Variants in MID1 observed in about 807,000 individuals in gnomAD.
MID1 encodes E3 ubiquitin-protein ligase Midline-1.
In MID1, 7 loss-of-function variants were observed where a neutral mutation model predicts 40.4. The ratio of observed to expected loss-of-function variants is 0.17; its 90% CI spans 0.10 to 0.33. The LOEUF (loss-of-function observed/expected upper bound fraction) is 0.33, where lower values mean the gene tolerates loss of function less well. Ranked by LOEUF, MID1 falls within the 10% of genes least tolerant of loss-of-function variation. MID1 has a pLI of 1.00. For missense variants in MID1, 367 were observed against 558.5 expected (o/e 0.66, Z 3.46); for synonymous variants, 229 against 221.2 (o/e 1.04, Z -0.31).
chrX:10,800,358 G>A (rs894638502), intron 1 of MID1, among the ~76,000 whole-genome samples: 4 of 111,728 alleles, frequency 3.6e-5, no homozygotes, highest in African/African-American at 9.8e-5. Flanking sequence ...TCGTAAGCAC[G>A]TTATTCCCCA....
At chrX:10,663,831 AT>A (rs2042932991) in intron 1 of MID1, among the ~76,000 whole-genome samples, 1 of 112,399 alleles carries the variant, frequency 8.9e-6, no homozygotes, top group Non-Finnish European at 1.9e-5. Flanking sequence ...AGCAGTATAT[AT>A]TATAAATATC....
rs745889096 is a variant in MID1, at chrX:10,680,762, C to T, written c.-186-60343G>A. Among the ~76,000 whole-genome samples, 9 of 110,809 alleles carry T rather than the reference C, an allele frequency of 8.1e-5. No individual in the cohort carries two copies. In the East Asian group the frequency reaches 1.4e-3, roughly 17 times the overall value. ...ATTGAGGAAATAAGGTGGCTGGGCA[C>T]GGTGGCTCACGCCTACAATCCTAGC... On this transcript the variant is annotated intron_variant, in intron 1 of 10. Transcript: ENST00000380785.
In MID1 at chrX:10,561,976, C is replaced by T. The variant is rs779683758; in HGVS notation, c.660+4912G>A. ...CAAAGACTTGGAACCAACCCAAATG[C>T]CCACCAATGATAGACTGGATAAAGA... is the stretch of plus-strand genomic sequence containing the variant. On this transcript the variant is annotated intron_variant, in intron 2 of 9. Coordinates refer to ENST00000317552, the MANE Select transcript of MID1 (RefSeq NM_000381.4). 1.6e-3 allele frequency among the ~76,000 whole-genome samples: 173 copies of T among 106,932 alleles called. 24 individuals carry two copies. Among genetic ancestry groups the T allele is most frequent in the African/African-American group, 6.2e-3 (167 of 26,751 alleles). 92.9% of individuals were successfully genotyped at this position (106,932 alleles called of 115,157 possible).
chrX:10,701,397 G>A (rs2043193197), intron 1 of MID1, among the ~76,000 whole-genome samples: 1 of 111,576 alleles, frequency 9.0e-6, no homozygotes, highest in African/African-American at 3.3e-5. Flanking sequence ...GACAAAATAG[G>A]GAGTTGGCCT....
At chrX:10,670,966 T>G (rs906364798) in intron 1 of MID1, among the ~76,000 whole-genome samples, 6 of 112,104 alleles carry the variant, frequency 5.4e-5, no homozygotes, top group Admixed American at 9.5e-5. Context: ...GTTTTCTCAG[T>G]GTGGTTATAA....
At chrX:10,703,471 G>C (rs988761448) in intron 1 of MID1, among the ~76,000 whole-genome samples, 4 of 111,427 alleles carry the variant, frequency 3.6e-5, no homozygotes, top group Non-Finnish European at 7.5e-5. Context: ...TTCGAGACCA[G>C]CCTGGCCAAC....
intron 1 of MID1, among the ~76,000 whole-genome samples, chrX:10,722,886 G>C (rs1237565815): frequency 4.5e-5 from 5 of 111,582 alleles, no homozygotes; most frequent in African/African-American, 1.6e-4. Flanking sequence ...TTATCAGAGA[G>C]GTTGTGTCTC....
chrX:10,462,545 T>C (rs1406163122), intron 7 of MID1, among the ~76,000 whole-genome samples: 3 of 112,470 alleles, frequency 2.7e-5, no homozygotes, highest in African/African-American at 9.7e-5. Context: ...TCAGTCATCT[T>C]TGAGGGTGTT....
chrX:10,700,582 A>C (rs2043188787), intron 1 of MID1, among the ~76,000 whole-genome samples: 1 of 112,179 alleles, frequency 8.9e-6, no homozygotes, highest in Non-Finnish European at 1.9e-5. Context: ...CGATAGAATA[A>C]AAAGAACTTT....
At chrX:10,626,297 G>A (rs1056293444) in intron 1 of MID1, among the ~76,000 whole-genome samples, 23 of 103,586 alleles carry the variant, frequency 2.2e-4, no homozygotes, top group African/African-American at 8.1e-4. Context: ...GCAGGTATAG[G>A]TGATCATATG....
intron 1 of MID1, among the ~76,000 whole-genome samples, chrX:10,812,019 C>T (rs1259077210): frequency 9.0e-6 from 1 of 111,187 alleles, no homozygotes; most frequent in African/African-American, 3.3e-5. Context: ...TAACTTCTGC[C>T]ATTAAAAAAT....
chrX:10,737,572 G>A (rs2043495670), intron 1 of MID1, among the ~76,000 whole-genome samples: 1 of 106,858 alleles, frequency 9.4e-6, no homozygotes, highest in African/African-American at 3.4e-5. Flanking sequence ...TGCAAAATGG[G>A]AATGCATGAG....
At chrX:10,618,582 T>C (rs1372340605) in intron 1 of MID1, among the ~76,000 whole-genome samples, 1 of 112,020 alleles carries the variant, frequency 8.9e-6, no homozygotes, top group Non-Finnish European at 1.9e-5. Flanking sequence ...AAGTTGCCCA[T>C]TCATTAAATA....
chrX:10,581,786 T>C (rs749310059), intron 1 of MID1, among the ~76,000 whole-genome samples: 7 of 112,064 alleles, frequency 6.2e-5, no homozygotes, highest in Non-Finnish European at 1.3e-4. Context: ...GGCAATTTCA[T>C]CTGTTTCCTA....
rs192403344 is a variant in MID1, at chrX:10,720,583, C to G, written c.-186-100164G>C. Among the ~76,000 whole-genome samples, 768 of 111,770 alleles carry G rather than the reference C, an allele frequency of 6.9e-3. 9 individuals are homozygous for G. The highest frequency in any genetic ancestry group is 0.024 in the African/African-American group (733 of 30,734). On this transcript the variant is annotated intron_variant, in intron 1 of 10. Coordinates refer to the MID1 transcript ENST00000380785. ...GAGAGGATGTGGAGAAATAGAAACA[C>G]TTTTACACTGTTGGTGGGACTGTAA... is the stretch of plus-strand genomic sequence containing the variant.
chrX:10,450,784 C>T (rs1272306927), intron 9 of MID1, among the ~76,000 whole-genome samples: 1 of 112,337 alleles, frequency 8.9e-6, no homozygotes, highest in Non-Finnish European at 1.9e-5. Context: ...ATGTTCTAAG[C>T]ATCTTAATCT....
intron 9 of MID1, 130 bp downstream of exon 9, chrX:10,454,740 G>A (rs1928549335): frequency 3.5e-6 from 2 of 574,529 alleles, no homozygotes; most frequent in Non-Finnish European, 5.9e-6. Flanking sequence ...TATTATCCTA[G>A]CAAGAGCTGA....
intron 1 of MID1, among the ~76,000 whole-genome samples, chrX:10,631,710 C>T (rs931927516): frequency 8.9e-6 from 1 of 111,918 alleles, no homozygotes; most frequent in Non-Finnish European, 1.9e-5. Flanking sequence ...CATATTCTTC[C>T]TTCCTTGATA....
chrX:10,563,678 C>T (rs181427233), intron 2 of MID1, among the ~76,000 whole-genome samples: 1 of 111,843 alleles, frequency 8.9e-6, no homozygotes, highest in African/African-American at 3.2e-5. Flanking sequence ...TCAGGAAATG[C>T]TACCTTAATT....
Sources: allele counts gnomAD v4.1 joint callset (sites outside exome capture counted in the v4.1 genomes callset), GRCh38; gene constraint gnomAD v4.1.1; transcripts MANE v1.5; gene names NCBI Gene and HGNC (gene_info 2026-07-23, HGNC 2026-07-21).